ANKRD18A: variants seen among roughly 807,000 people sequenced by gnomAD.
ANKRD18A encodes the protein ankyrin repeat domain-containing protein 18A.
Under a neutral mutation model 110.6 loss-of-function variants are expected in ANKRD18A, and 72 were observed. That is an observed-to-expected ratio of 0.65 (90% CI 0.54 to 0.79). The LOEUF is 0.79. Ranked by LOEUF, ANKRD18A falls within the 30% of genes least tolerant of loss-of-function variation. The pLI is 0.00. For missense variants in ANKRD18A, 934 were observed against 1,163.3 expected (o/e 0.80, Z 2.87); for synonymous variants, 305 against 410.3 (o/e 0.74, Z 3.10).
At chr9:38,569,973 AC>A (rs1172431671), downstream of ANKRD18A, among the ~76,000 whole-genome samples, 1 of 152,034 alleles carries the variant, frequency 6.6e-6, no homozygotes, top group Non-Finnish European at 1.5e-5. Flanking sequence ...CTTTCCAGCC[AC>A]CCTCCAGGGT....
intron 14 of ANKRD18A, 110 bp from the exon 15 acceptor site, chr9:38,575,808 A>T (rs1187048618): frequency 1.9e-6 from 2 of 1,030,302 alleles, no homozygotes; most frequent in African/African-American, 3.3e-5. Context: ...AATACCCATT[A>T]AACAGTGCTT....
chr9:38,598,062 CA>C (rs1202338025), intron 8 of ANKRD18A, among the ~76,000 whole-genome samples: 2 of 152,190 alleles, frequency 1.3e-5, no homozygotes, highest in Non-Finnish European at 2.9e-5. Context: ...GCACATTAAA[CA>C]GACTGGTTTG....
chr9:38,569,379 G>C, downstream of ANKRD18A: 2 of 985,408 alleles, frequency 2.0e-6, no homozygotes, highest in South Asian at 9.4e-5. Flanking sequence ...AGGAGGAAGA[G>C]AAGAGAGCAG....
chr9:38,615,683 T>C lies in ANKRD18A; in HGVS notation c.406A>G (p.Thr136Ala), dbSNP rs1825820175. ...NPNIEDIYGN[T>A]ALHYAVYNKG... ...TTATACACGGCATAATGGAGAGCAG[T>C]GTTGCCGTAGATATCCTCAATGTTT... is the stretch of plus-strand genomic sequence containing the variant. Residue 136 changes from threonine to alanine, a missense_variant, in exon 3 of 16, where the codon ACT (threonine) becomes GCT (alanine). By Grantham distance (58) the Thr-to-Ala change is moderately conservative. Transcript: ENST00000399703. 8 of 1,612,452 alleles carry C rather than the reference T, an allele frequency of 5.0e-6. No homozygotes were observed. Among genetic ancestry groups the C allele is most frequent in the Non-Finnish European group, 6.8e-6 (8 of 1,179,824 alleles).
intron 1 of ANKRD18A, among the ~76,000 whole-genome samples, chr9:38,619,581 A>G (rs1825999732): frequency 6.6e-6 from 1 of 152,212 alleles, no homozygotes; most frequent in South Asian, 2.1e-4. Context: ...TAAAACCTTG[A>G]TATCTTCATT....
Position 38,596,074 on chromosome 9 carries a change from G to A in ANKRD18A, c.1266C>T (p.Leu422=). The change falls in exon 9 of 16, where the codon CTC becomes CTT. Residue 422 remains leucine (L), a synonymous_variant. Transcript: ENST00000399703. ...TTATAGCAGTGGCCAGGCTAGAATG[G>A]AGGGATTCAACTTCAGCTTCTAGTC... is the stretch of plus-strand genomic sequence containing the variant. The part of the protein sequence containing the change: ...KERLEAEVES[L]HSSLATAINE... 6.4e-7 allele frequency: 1 copy of A among 1,551,344 alleles called. No homozygotes were observed. The highest frequency in any genetic ancestry group is 8.7e-7 in the Non-Finnish European group (1 of 1,146,700).
At chr9:38,600,883 G>A (rs1180832506) in intron 8 of ANKRD18A, among the ~76,000 whole-genome samples, 1 of 152,174 alleles carries the variant, frequency 6.6e-6, no homozygotes, top group East Asian at 1.9e-4. Flanking sequence ...AAATAAAAGA[G>A]CAAAGAGAGT....
intron 11 of ANKRD18A, among the ~76,000 whole-genome samples, chr9:38,586,693 T>A (rs1824397154): frequency 6.6e-6 from 1 of 152,094 alleles, no homozygotes; most frequent in Non-Finnish European, 1.5e-5. Context: ...GCCTCCCAAG[T>A]AAGCTGGGAT....
At chr9:38,566,992 T>C (rs1047456701), downstream of ANKRD18A, 1 of 152,208 alleles carries the variant, frequency 6.6e-6, no homozygotes, top group African/African-American at 2.4e-5. Flanking sequence ...AGGACACATA[T>C]TCAAATTGCA....
rs766715512 is a variant in ANKRD18A, at chr9:38,586,359, T to C, written c.2118-47A>G. 3.9e-4 allele frequency: 556 copies of C among 1,426,362 alleles called. 1 individual carries two copies. Among genetic ancestry groups the C allele is most frequent in the Middle Eastern group, 5.5e-4 (3 of 5,460 alleles). 88.4% of individuals were successfully genotyped at this position (1,426,362 alleles called of 1,614,324 possible). On this transcript the variant is annotated intron_variant, in intron 11 of 15. Transcript: ENST00000399703. ...TAAGTCAAGTATTTTTAAGAGTAAA[T>C]ATTTAATAATTGTTTAAACAGATAT...
At chr9:38,600,937 G>A (rs1825094782) in intron 8 of ANKRD18A, among the ~76,000 whole-genome samples, 194 bp downstream of exon 8, 1 of 152,192 alleles carries the variant, frequency 6.6e-6, no homozygotes, top group Non-Finnish European at 1.5e-5. Context: ...AGATAGCTAT[G>A]AGTTACTATA....
In ANKRD18A at chr9:38,596,921, A is replaced by C. The variant is rs573683747; in HGVS notation, c.937-518T>G. 2.4e-4 allele frequency among the ~76,000 whole-genome samples: 37 copies of C among 152,304 alleles called. No individual in the cohort carries two copies. The East Asian group carries it at 3.1e-3, about 13-fold the overall frequency. The stretch of plus-strand genomic sequence containing the variant: ...TAGTTGTAAGAATTACATTTACTAA[A>C]TCATAAATCTAGACATTGTACTAAG... On this transcript the variant is annotated intron_variant, in intron 8 of 15. Transcript: ENST00000399703.
intron 8 of ANKRD18A, among the ~76,000 whole-genome samples, chr9:38,600,765 A>G (rs1289703435): frequency 1.3e-5 from 2 of 152,224 alleles, no homozygotes; most frequent in East Asian, 3.8e-4. Context: ...CTCCTTTCAC[A>G]TGAGGTGAAC....
At chr9:38,599,842 G>GAGA (rs1247994656) in intron 8 of ANKRD18A, among the ~76,000 whole-genome samples, 2 of 152,120 alleles carry the variant, frequency 1.3e-5, no homozygotes, top group African/African-American at 4.8e-5. Context: ...TCTGGTTCTT[G>GAGA]AGACATTTTT....
downstream of ANKRD18A, among the ~76,000 whole-genome samples, chr9:38,570,655 G>A (rs1440999458): frequency 3.3e-5 from 5 of 152,204 alleles, no homozygotes; most frequent in African/African-American, 1.2e-4. Context: ...CGAGGCCCTT[G>A]AGCAGCTGTG....
downstream of ANKRD18A, among the ~76,000 whole-genome samples, chr9:38,570,877 TG>T (rs1271809904): frequency 6.6e-6 from 1 of 152,246 alleles, no homozygotes; most frequent in African/African-American, 2.4e-5. Context: ...TGAGGTGGCC[TG>T]GCACTGCCTG....
intron 8 of ANKRD18A, 100 bp downstream of exon 8, chr9:38,601,031 G>A: frequency 9.7e-7 from 1 of 1,026,970 alleles, no homozygotes; most frequent in Non-Finnish European, 1.4e-6. Context: ...GATTCTAAAA[G>A]GATAGTCTAA....
At chr9:38,569,898 C>G (rs1243716656), downstream of ANKRD18A, among the ~76,000 whole-genome samples, 1 of 152,150 alleles carries the variant, frequency 6.6e-6, no homozygotes, top group Non-Finnish European at 1.5e-5. Context: ...AGGTGGAACC[C>G]AGGTACTGTG....
intron 6 of ANKRD18A, among the ~76,000 whole-genome samples, chr9:38,606,261 C>G (rs1394668599): frequency 4.0e-5 from 6 of 151,882 alleles, no homozygotes; most frequent in Non-Finnish European, 2.9e-5. Context: ...CTTAGTGACA[C>G]AGATTCCTGT....
Sources: allele counts gnomAD v4.1 joint callset (sites outside exome capture counted in the v4.1 genomes callset), GRCh38; gene constraint gnomAD v4.1.1; transcripts MANE v1.5; gene names NCBI Gene and HGNC (gene_info 2026-07-23, HGNC 2026-07-21).